CSAD: variants seen among roughly 807,000 people sequenced by gnomAD.
CSAD encodes the protein cysteine sulfinic acid decarboxylase.
A neutral mutation model predicts 61.5 loss-of-function variants in CSAD; 47 were observed. The observed-to-expected ratio is 0.76, with a 90% CI of 0.60 to 0.97. The LOEUF (loss-of-function observed/expected upper bound fraction) is 0.97. CSAD is among the 50% of genes least tolerant of loss of function. The probability of loss-of-function intolerance (pLI) is 0.00; values close to 1 mark genes in which losing one functional copy is unlikely to be tolerated. For synonymous variants in CSAD, 245 were observed against 252.7 expected, an observed-to-expected ratio of 0.97 and a Z score of 0.29; for missense variants, 611 against 643.6, an observed-to-expected ratio of 0.95 and a Z score of 0.55.
intron 2 of CSAD, among the ~76,000 whole-genome samples, chr12:53,178,758 C>T (rs189109416): frequency 1.3e-5 from 2 of 152,122 alleles, no homozygotes; most frequent in South Asian, 4.2e-4. Context: ...GCACTCTAGC[C>T]TGGGTGACAG....
intron 2 of CSAD, among the ~76,000 whole-genome samples, chr12:53,175,068 T>C (rs749143746): frequency 3.1e-4 from 47 of 152,206 alleles, no homozygotes; most frequent in Admixed American, 2.6e-3. Context: ...TGGCTGGCAT[T>C]ACCCTAGGTG....
At chr12:53,179,354 A>G (rs1238236899) in intron 1 of CSAD, among the ~76,000 whole-genome samples, 1 of 152,226 alleles carries the variant, frequency 6.6e-6, no homozygotes, top group Non-Finnish European at 1.5e-5. Flanking sequence ...ACTGGTTGAA[A>G]AGATTTTTGT....
chr12:53,159,561 G>A, intron 16 of CSAD, 62 bp downstream of exon 16: 1 of 1,410,856 alleles, frequency 7.1e-7, no homozygotes, highest in East Asian at 2.4e-5. Flanking sequence ...CCAACAGGGG[G>A]CAGAAGCGCA....
At chr12:53,176,269 G>C (rs1941097983) in intron 2 of CSAD, among the ~76,000 whole-genome samples, 1 of 152,138 alleles carries the variant, frequency 6.6e-6, no homozygotes, top group Non-Finnish European at 1.5e-5. Context: ...AATTAGCCGG[G>C]TGTGGTGGTG....
chr12:53,167,049 G>A (rs1940021037), intron 10 of CSAD, among the ~76,000 whole-genome samples: 1 of 152,074 alleles, frequency 6.6e-6, no homozygotes, highest in African/African-American at 2.4e-5. Flanking sequence ...AAATGTTTAG[G>A]ATCCCTCTTT....
At chr12:53,174,207 C>T (rs926529198) in intron 2 of CSAD, among the ~76,000 whole-genome samples, 11 of 151,334 alleles carry the variant, frequency 7.3e-5, no homozygotes, top group African/African-American at 2.7e-4. Context: ...ACTCTGGAGG[C>T]TGAGGCAGGA....
intron 10 of CSAD, chr12:53,164,396 C>A: frequency 4.2e-6 from 1 of 238,176 alleles, no homozygotes; most frequent in South Asian, 4.3e-5. Context: ...AAGTATTATG[C>A]AGCCATAAAA....
intron 10 of CSAD, among the ~76,000 whole-genome samples, chr12:53,163,555 A>G (rs911009323): frequency 3.8e-4 from 58 of 152,372 alleles, no homozygotes; most frequent in African/African-American, 1.3e-3. Context: ...GAAATTAAGA[A>G]AACAATTTCA....
rs201613048 is a variant in CSAD at position 53,179,842 on chromosome 12, T to C, written c.-90-700A>G. Reference sequence around the variant, plus strand: ...ATCAAGCGCATTTGCAGTCCATCTTTAGCAGGACCTCTCTCTAATGGCTAA... The same window carrying C: ...ATCAAGCGCATTTGCAGTCCATCTTCAGCAGGACCTCTCTCTAATGGCTAA... On this transcript the variant is annotated intron_variant, in intron 1 of 16. Transcript: ENST00000444623. The C allele has an allele frequency of 7.3e-4, 1,172 of 1,613,764 alleles. 19 individuals are homozygous for C. In the South Asian group the frequency reaches 0.011, roughly 15 times the overall value.
rs751308809 is a variant in CSAD at position 53,158,608 on chromosome 12, C to A, written c.1385G>T (p.Gly462Val). ...MIGYQPHGTR[G>V]NFFRVVVANS... ...GGCCACAACCACACGGAAGAAGTTG[C>A]CCCGGGTCCCGTGGGGCTGGTAGCC... The change falls in exon 17 of 17, where the codon GGC becomes GTC. Residue 462 changes from glycine to valine, a missense_variant. Physicochemically the swap from Gly to Val is moderately radical, Grantham distance 109. Transcript: ENST00000444623. 1.2e-6 allele frequency: 2 copies of A among 1,614,044 alleles called. No individual in the cohort carries two copies. Among genetic ancestry groups the A allele is most frequent in the East Asian group, 2.2e-5 (1 of 44,890 alleles).
intron 10 of CSAD, among the ~76,000 whole-genome samples, chr12:53,166,856 C>T (rs1417356436): frequency 4.6e-5 from 7 of 152,018 alleles, no homozygotes; most frequent in African/African-American, 1.7e-4. Flanking sequence ...AGACTGGTTG[C>T]AAAACAATGT....
At chr12:53,166,928 T>C (rs965836679) in intron 10 of CSAD, among the ~76,000 whole-genome samples, 18 of 152,300 alleles carry the variant, frequency 1.2e-4, no homozygotes, top group African/African-American at 3.1e-4. Context: ...AATTTTATGT[T>C]ACACACACAA....
At chr12:53,175,796 G>A (rs1941061198) in intron 2 of CSAD, among the ~76,000 whole-genome samples, 2 of 152,132 alleles carry the variant, frequency 1.3e-5, no homozygotes, top group Admixed American at 6.5e-5. Context: ...ATTTGCAAAG[G>A]GTGTTTTTCC....
chr12:53,180,880 G>A lies in CSAD; in HGVS notation c.-239C>T. 1 of 1,203,504 alleles carries A rather than the reference G, an allele frequency of 8.3e-7. No homozygotes were observed. The highest frequency in any genetic ancestry group is 1.1e-6 in the Non-Finnish European group (1 of 944,082). The allele number at this position is 1,203,504 out of a possible 1,614,324, so 74.6% of individuals were successfully genotyped here. A position where few individuals can be genotyped will look rare whatever the true frequency, so the allele number is the denominator to read the frequency against. On this transcript the variant is annotated 5_prime_UTR_variant, in exon 1 of 17. Transcript: ENST00000444623. ...AGACCGCAGCGTCGTCCGTACAGAC[G>A]GCAGCGCTTCAGTAGCTCGCAAGCC... is the stretch of plus-strand genomic sequence containing the variant.
Position 53,169,931 on chromosome 12 carries a change from G to T in CSAD, c.702+141C>A, listed in dbSNP as rs530791172. 6 of 724,008 alleles carry T rather than the reference G, an allele frequency of 8.3e-6. No individual in the cohort carries two copies. The African/African-American group carries it at 8.7e-5, about 10-fold the overall frequency. 44.8% of individuals were successfully genotyped at this position (724,008 alleles called of 1,614,324 possible). On this transcript the variant is annotated intron_variant, in intron 10 of 16. Transcript: ENST00000444623. ...AAGCAATGTAGTGTCCTCACCCCCA[G>T]GCTCTCCATGGTCACTTCAGCCCAC...
At position 53,157,799 on chromosome 12, in the gene CSAD, GT is replaced by G. The variant is rs1266168475; in HGVS notation, c.*711del. On this transcript the variant is annotated 3_prime_UTR_variant, in exon 17 of 17. Transcript: ENST00000444623. ...TTTGTTTGTTTTTTTAAAGGAGTCT[GT>G]TTTAAAATTGCCTATTATCCTATTC... The G allele has an allele frequency of 3.3e-5, 5 of 152,036 alleles. No individual in the cohort carries two copies. Among genetic ancestry groups the G allele is most frequent in the African/African-American group, 1.2e-4 (5 of 41,372 alleles). The allele number at this position is 152,036 out of a possible 1,614,324, so 9.4% of individuals were successfully genotyped here.
At position 53,165,820 on chromosome 12, in the gene CSAD, T is replaced by C. The variant is rs149003154; in HGVS notation, c.702+4252A>G. Among the ~76,000 whole-genome samples, 775 of 152,280 alleles carry C rather than the reference T, an allele frequency of 5.1e-3. 6 individuals are homozygous for C. Among genetic ancestry groups the C allele is most frequent in the African/African-American group, 0.018 (730 of 41,544 alleles). On this transcript the variant is annotated intron_variant, in intron 10 of 16. Transcript: ENST00000444623. The stretch of plus-strand genomic sequence containing the variant: ...AAAAAAATTCAATAGAATTACCATA[T>C]GCTCCAGCAATTCCACTTCTGAGTA...
At chr12:53,173,133 G>A (rs192967543) in intron 4 of CSAD, 54 of 484,806 alleles carry the variant, frequency 1.1e-4, no homozygotes, top group Non-Finnish European at 1.7e-4. Context: ...GCTTGAGCCC[G>A]GGAGACGGAG....
At chr12:53,170,708 T>G in intron 8 of CSAD, 1 of 585,578 alleles carries the variant, frequency 1.7e-6, no homozygotes, top group South Asian at 2.0e-5. Context: ...GGGCCCAAGA[T>G]TCTGCATTTG....
Sources: allele counts gnomAD v4.1 joint callset (sites outside exome capture counted in the v4.1 genomes callset), GRCh38; gene constraint gnomAD v4.1.1; transcripts MANE v1.5; gene names NCBI Gene and HGNC (gene_info 2026-07-23, HGNC 2026-07-21).